Variants in ASCC3 observed in about 807,000 individuals in gnomAD.
The protein encoded by ASCC3 is activating signal cointegrator 1 complex subunit 3, also known as ASC-1 complex subunit P200.
ASCC3 carries 158 observed loss-of-function variants against 256.3 expected under a neutral mutation model. The observed-to-expected ratio is 0.62, with a 90% CI of 0.54 to 0.70. ASCC3 has a LOEUF of 0.70. Ranked by LOEUF, ASCC3 falls within the 30% of genes least tolerant of loss-of-function variation. The pLI, the probability that ASCC3 is intolerant of heterozygous loss-of-function variation, is 0.00. For synonymous variants in ASCC3, 948 were observed against 883.4 expected (o/e 1.07, Z -1.30); for missense variants, 2,259 against 2,626.0 (o/e 0.86, Z 3.05).
chr6:100,519,369 T>TTA (rs1774190915), intron 37 of ASCC3, among the ~76,000 whole-genome samples: 1 of 152,078 alleles, frequency 6.6e-6, no homozygotes, highest in Admixed American at 6.6e-5. Context: ...ATAGGTATAT[T>TTA]TATATATGTG....
intron 37 of ASCC3, among the ~76,000 whole-genome samples, chr6:100,535,998 A>T (rs1775142107): frequency 6.6e-6 from 1 of 152,232 alleles, no homozygotes; most frequent in South Asian, 2.1e-4. Flanking sequence ...TAATGCTATA[A>T]ATTATTAGGC....
chr6:100,606,382 A>T (rs1772888738), intron 32 of ASCC3, among the ~76,000 whole-genome samples: 2 of 152,136 alleles, frequency 1.3e-5, no homozygotes, highest in South Asian at 4.1e-4. Flanking sequence ...CTAGTGAAAC[A>T]CATTTAAAAT....
chr6:100,599,405 A>T (rs1326099766), intron 34 of ASCC3, among the ~76,000 whole-genome samples: 1 of 152,200 alleles, frequency 6.6e-6, no homozygotes, highest in Non-Finnish European at 1.5e-5. Context: ...AGACTGAGGA[A>T]ATATCACAGA....
intron 36 of ASCC3, among the ~76,000 whole-genome samples, chr6:100,572,243 C>T (rs758533694): frequency 3.9e-5 from 6 of 152,104 alleles, no homozygotes; most frequent in Non-Finnish European, 8.8e-5. Flanking sequence ...ATAAAGGAGA[C>T]TCCAGAGAAA....
At chr6:100,828,700 G>A (rs760416030) in intron 4 of ASCC3, among the ~76,000 whole-genome samples, 24 of 152,254 alleles carry the variant, frequency 1.6e-4, no homozygotes, top group Non-Finnish European at 2.5e-4. Flanking sequence ...TGGGTTCGTG[G>A]TCTGGCTGGC....
At chr6:100,760,209 G>A (rs1032519356) in intron 10 of ASCC3, among the ~76,000 whole-genome samples, 15 of 152,210 alleles carry the variant, frequency 9.9e-5, no homozygotes, top group Admixed American at 5.9e-4. Flanking sequence ...TGGTGAGAGA[G>A]GGCATCCTTG....
At position 100,848,692 on chromosome 6, in the gene ASCC3, C is replaced by T; in HGVS notation, c.257G>A (p.Gly86Glu). The T allele has an allele frequency of 6.2e-7, 1 of 1,612,364 alleles. No homozygotes were observed. The highest frequency in any genetic ancestry group is 1.1e-5 in the South Asian group (1 of 91,070). ...AGCCCCACTTTCAATTGCTTCTCTC[C>T]CATTATCAGTTCCAACTATTCAAAG... ...AAKQIVGTDNGREAIESGAAF... is the reference protein window; with the variant it reads ...AAKQIVGTDNEREAIESGAAF... The change falls in exon 4 of 42, where the codon GGG (glycine) becomes GAG (glutamate). Residue 86 changes from glycine (G) to glutamate (E), a missense_variant. Around this residue, in one of 2 missense-constraint regions of ASCC3, gnomAD observed 420 missense variants for 419.3 expected, o/e 1.00. Coordinates refer to ENST00000369162, the MANE Select transcript of ASCC3 (RefSeq NM_006828.4).
intron 34 of ASCC3, 57 bp downstream of exon 34, chr6:100,601,753 C>T (rs924321054): frequency 6.3e-7 from 1 of 1,593,768 alleles, no homozygotes; most frequent in South Asian, 1.1e-5. Context: ...TTATTACTTT[C>T]AAATATGTCT....
rs1328181260 is a variant in ASCC3, at chr6:100,540,206, G to C, written c.5732C>G (p.Thr1911Ser). The change falls in exon 37 of 42, where the codon ACT becomes AGT. Residue 1911 changes from threonine to serine, a missense_variant. Thr to Ser is a moderately conservative substitution (Grantham distance 58). Transcript: ENST00000369162. ...RAMLPCPDYDTDTKTVLDQAL... is the reference protein window; with the variant it reads ...RAMLPCPDYDSDTKTVLDQAL... ...TTGGTCCAAGACTGTTTTGGTATCA[G>C]TGTCATAATCTGGGCAGGGTAGCAT... 2 of 1,614,018 alleles carry C rather than the reference G, an allele frequency of 1.2e-6. No homozygotes were observed. Among genetic ancestry groups the C allele is most frequent in the African/African-American group, 1.3e-5 (1 of 74,916 alleles).
chr6:100,715,357 TA>T, intron 13 of ASCC3, 104 bp downstream of exon 13: 1 of 996,114 alleles, frequency 1.0e-6, no homozygotes, highest in Admixed American at 2.1e-5. Context: ...GCCTCAGAAT[TA>T]AAGAAAAATT....
intron 25 of ASCC3, among the ~76,000 whole-genome samples, chr6:100,634,400 C>T (rs182744098): frequency 2.6e-4 from 40 of 152,236 alleles, no homozygotes; most frequent in Non-Finnish European, 2.4e-4. Flanking sequence ...CTTATCTCTC[C>T]CTTCCCCCTA....
chr6:100,811,305 G>GA (rs755900536), intron 4 of ASCC3, among the ~76,000 whole-genome samples: 9 of 151,574 alleles, frequency 5.9e-5, no homozygotes, highest in East Asian at 5.8e-4. Context: ...ATCAAATATA[G>GA]AAAAAAAACA....
At chr6:100,580,740 A>T (rs201843906) in intron 36 of ASCC3, among the ~76,000 whole-genome samples, 1 of 68,182 alleles carries the variant, frequency 1.5e-5, no homozygotes, top group Non-Finnish European at 2.7e-5. Context: ...CCCTCCCCCC[A>T]CCCCACAACA....
chr6:100,862,507 C>T (rs923095859), intron 3 of ASCC3, among the ~76,000 whole-genome samples: 5 of 152,028 alleles, frequency 3.3e-5, no homozygotes, highest in Admixed American at 2.6e-4. Context: ...GTAACAGAAA[C>T]ACAATCCAGA....
chr6:100,665,701 C>T (rs1776435593), intron 14 of ASCC3, among the ~76,000 whole-genome samples: 1 of 150,664 alleles, frequency 6.6e-6, no homozygotes. Context: ...GATCACATCA[C>T]TGAACTCCAG....
chr6:100,537,965 T>C (rs1237788809), intron 37 of ASCC3, among the ~76,000 whole-genome samples: 1 of 151,410 alleles, frequency 6.6e-6, no homozygotes, highest in Non-Finnish European at 1.5e-5. Context: ...CCTGGCTGAA[T>C]CCTTTTCCTT....
At position 100,786,157 on chromosome 6, in the gene ASCC3, T is replaced by C. The variant is rs138286090; in HGVS notation, c.1395+12556A>G. On this transcript the variant is annotated intron_variant, in intron 8 of 41. Transcript: ENST00000369162. ...CATAACAAGCTCTACTGACAAACCA[T>C]CCAGATTGTACATCTGGGTTTTCAC... 2.1e-3 allele frequency among the ~76,000 whole-genome samples: 317 copies of C among 152,220 alleles called. 1 individual carries two copies. Among genetic ancestry groups the C allele is most frequent in the African/African-American group, 6.9e-3 (285 of 41,546 alleles).
chr6:100,820,339 CT>C (rs1308614382), intron 4 of ASCC3, among the ~76,000 whole-genome samples: 2 of 152,112 alleles, frequency 1.3e-5, no homozygotes, highest in African/African-American at 4.8e-5. Flanking sequence ...ACCCAAGCAT[CT>C]ATGGTCAACC....
chr6:100,621,836 C>A (rs1773966414), intron 30 of ASCC3, among the ~76,000 whole-genome samples: 1 of 152,134 alleles, frequency 6.6e-6, no homozygotes. Flanking sequence ...ATGGAATCAA[C>A]CCAAATGCCC....
Sources: gnomAD v4.1 joint callset for allele counts (sites outside exome capture counted in the v4.1 genomes callset) on GRCh38, gnomAD v4.1.1 for gene constraint, gnomAD v4.1.1 regional missense constraint, MANE v1.5 for transcripts, NCBI Gene and HGNC (gene_info 2026-07-23, HGNC 2026-07-21) for gene names.